The following DENND4C variants were observed in gnomAD, a reference collection of about 807,000 sequenced individuals.
The protein encoded by DENND4C is DENN domain containing 4C.
A neutral mutation model predicts 203.0 loss-of-function variants in DENND4C; 108 were observed. The ratio of observed to expected loss-of-function variants is 0.53; its 90% CI spans 0.46 to 0.62. The LOEUF (loss-of-function observed/expected upper bound fraction) is 0.62, where lower values mean the gene tolerates loss of function less well. Among genes scored for constraint, DENND4C ranks in the 20% least tolerant of loss-of-function variants. DENND4C has a pLI of 0.00. For synonymous variants in DENND4C, 871 were observed against 792.4 expected (o/e 1.10, Z -1.67); for missense variants, 2,481 against 2,301.2 (o/e 1.08, Z -1.60).
At position 19,359,278 on chromosome 9, in the gene DENND4C, G is replaced by C. The variant is rs1825987219; in HGVS notation, c.5161-966G>C. ...ATTAATTTTTAGAGATGGGGATCTTGCTTTGTTGCCCAGGCTATTCCTAAA... is the reference window on the plus strand; with the variant it reads ...ATTAATTTTTAGAGATGGGGATCTTCCTTTGTTGCCCAGGCTATTCCTAAA... On this transcript the variant is annotated intron_variant, in intron 28 of 32. Transcript: ENST00000434457. 2.0e-5 allele frequency among the ~76,000 whole-genome samples: 3 copies of C among 151,724 alleles called. 1 individual carries two copies. Among genetic ancestry groups the C allele is most frequent in the African/African-American group, 7.3e-5 (3 of 41,048 alleles).
chr9:19,338,642 A>G (rs1820991008), intron 20 of DENND4C, among the ~76,000 whole-genome samples: 1 of 152,090 alleles, frequency 6.6e-6, no homozygotes, highest in South Asian at 2.1e-4. Flanking sequence ...GAATCTTTCC[A>G]CTTGGTACCT....
At chr9:19,315,031 G>A (rs757447791) in intron 10 of DENND4C, among the ~76,000 whole-genome samples, 2 of 151,386 alleles carry the variant, frequency 1.3e-5, no homozygotes, top group African/African-American at 2.4e-5. Flanking sequence ...GTGATGGCGC[G>A]CCCCTGTAAT....
intron 9 of DENND4C, 97 bp downstream of exon 9, chr9:19,300,428 C>A: frequency 2.5e-6 from 3 of 1,195,730 alleles, no homozygotes; most frequent in Non-Finnish European, 2.2e-6. Flanking sequence ...TAAACAACAA[C>A]AAATTTAAAA....
intron 10 of DENND4C, among the ~76,000 whole-genome samples, chr9:19,307,769 CAAAA>C (rs398046460): frequency 3.4e-5 from 3 of 89,204 alleles, no homozygotes; most frequent in Non-Finnish European, 2.3e-5. Context: ...GACTCTGTCT[CAAAA>C]AAAAAAAAAA....
At chr9:19,245,526 C>T (rs1029204749) in intron 1 of DENND4C, among the ~76,000 whole-genome samples, 1 of 148,046 alleles carries the variant, frequency 6.8e-6, no homozygotes, top group African/African-American at 2.5e-5. Context: ...AGAACCATTA[C>T]CCTAGACTTT....
chr9:19,276,319 A>T lies in DENND4C; in HGVS notation c.145A>T (p.Ile49Phe). The T allele has an allele frequency of 8.1e-7, 1 of 1,232,106 alleles. No homozygotes were observed. The highest frequency in any genetic ancestry group is 1.0e-6 in the Non-Finnish European group (1 of 987,944). 76.3% of individuals were successfully genotyped at this position (1,232,106 alleles called of 1,614,324 possible). Reference protein sequence around the residue: ...PKAPITDIAIIIKSAGETVPE... With the variant: ...PKAPITDIAIFIKSAGETVPE... Reference sequence around the variant, plus strand: ...AGCTCCAATTACAGACATTGCCATTATTATCAAATCAGCTGGAGAAACAGT... The same window carrying T: ...AGCTCCAATTACAGACATTGCCATTTTTATCAAATCAGCTGGAGAAACAGT... Residue 49 changes from isoleucine to phenylalanine, a missense_variant, in exon 2 of 33, where the codon ATT (isoleucine) becomes TTT (phenylalanine). Ile to Phe is a conservative substitution (Grantham distance 21, BLOSUM62 0). Coordinates refer to ENST00000434457, the MANE Select transcript of DENND4C (RefSeq NM_001330640.2).
At chr9:19,254,848 G>A (rs55978954) in intron 1 of DENND4C, among the ~76,000 whole-genome samples, 4,544 of 152,056 alleles carry the variant, frequency 0.03, 219 homozygotes, top group African/African-American at 0.1. Context: ...AAAGTTGGCC[G>A]GGACCGGGTG....
chr9:19,323,571 T>C (rs561285677), intron 12 of DENND4C, among the ~76,000 whole-genome samples: 1 of 152,092 alleles, frequency 6.6e-6, no homozygotes, highest in East Asian at 1.9e-4. Context: ...AATGAAGGAG[T>C]GTCCCTGAAA....
At position 19,324,414 on chromosome 9, in the gene DENND4C, C is replaced by A. The variant is rs756245915; in HGVS notation, c.1860C>A (p.Ser620=). The A allele has an allele frequency of 7.4e-6, 12 of 1,612,206 alleles. No individual in the cohort carries two copies. The highest frequency in any genetic ancestry group is 1.1e-5 in the South Asian group (1 of 90,784). ...RAYAKFYTLL[S]KTQIFIRFIE... is the part of the protein sequence containing the mutation. The stretch of plus-strand genomic sequence containing the variant: ...ATGCAAAATTCTATACCCTTTTATC[C>A]AAAACACAGATTTTTATTCGTTTCA... Residue 620 remains serine, a synonymous_variant, in exon 13 of 33, where the codon TCC becomes TCA. Coordinates refer to ENST00000434457, the MANE Select transcript of DENND4C (RefSeq NM_001330640.2).
intron 10 of DENND4C, among the ~76,000 whole-genome samples, chr9:19,305,864 A>C (rs962758387): frequency 2.3e-4 from 35 of 152,258 alleles, no homozygotes; most frequent in South Asian, 1.7e-3. Flanking sequence ...GGTTTAATTC[A>C]AAATCCATAT....
At chr9:19,319,423 TATATATATACAC>T (rs1422719103) in intron 12 of DENND4C, among the ~76,000 whole-genome samples, 2 of 144,968 alleles carry the variant, frequency 1.4e-5, no homozygotes, top group Non-Finnish European at 3.0e-5. Context: ...TATATATACA[TATATATATACAC>T]ACATATATAT....
At chr9:19,285,074 T>G (rs1834915186) in intron 2 of DENND4C, among the ~76,000 whole-genome samples, 1 of 152,142 alleles carries the variant, frequency 6.6e-6, no homozygotes, top group African/African-American at 2.4e-5. Flanking sequence ...TTTTATTTTT[T>G]TCCAAATAAT....
intron 1 of DENND4C, among the ~76,000 whole-genome samples, chr9:19,243,988 T>A (rs991207028): frequency 2.0e-5 from 3 of 152,050 alleles, no homozygotes; most frequent in Non-Finnish European, 2.9e-5. Flanking sequence ...TTTTTAAAAA[T>A]TTTTTTGTAT....
chr9:19,327,087 G>C (rs1817990354), intron 15 of DENND4C, among the ~76,000 whole-genome samples: 2 of 152,128 alleles, frequency 1.3e-5, no homozygotes, highest in South Asian at 4.2e-4. Flanking sequence ...AATGTATCTG[G>C]GATTGAATGG....
chr9:19,276,713 T>C, intron 2 of DENND4C: 1 of 317,382 alleles, frequency 3.2e-6, no homozygotes, highest in Non-Finnish European at 5.7e-6. Context: ...CAAAAGAATA[T>C]TGAAATGAAG....
At chr9:19,301,342 G>A (rs910453753) in intron 9 of DENND4C, among the ~76,000 whole-genome samples, 5 of 152,084 alleles carry the variant, frequency 3.3e-5, no homozygotes, top group Admixed American at 6.5e-5. Context: ...AAGAATGTAA[G>A]TCTCCTGGGA....
intron 29 of DENND4C, among the ~76,000 whole-genome samples, chr9:19,361,076 G>T (rs1288664501): frequency 6.6e-6 from 1 of 152,058 alleles, no homozygotes; most frequent in Non-Finnish European, 1.5e-5. Context: ...ATTTTACCAG[G>T]CTGGTTTGAA....
intron 2 of DENND4C, among the ~76,000 whole-genome samples, chr9:19,284,957 C>G (rs898115289): frequency 6.6e-6 from 1 of 152,078 alleles, no homozygotes; most frequent in African/African-American, 2.4e-5. Context: ...AGTCTTTTCC[C>G]ACTGCTAGAT....
chr9:19,294,875 A>C (rs1422142445), intron 5 of DENND4C, among the ~76,000 whole-genome samples: 2 of 152,188 alleles, frequency 1.3e-5, no homozygotes, highest in East Asian at 3.8e-4. Context: ...AGAGATTACC[A>C]GGGACTTGGA....
Sources: gnomAD v4.1 joint callset for allele counts (sites outside exome capture counted in the v4.1 genomes callset) on GRCh38, gnomAD v4.1.1 for gene constraint, MANE v1.5 for transcripts, NCBI Gene and HGNC (gene_info 2026-07-23, HGNC 2026-07-21) for gene names.